Variants in ZNF253 observed in about 807,000 individuals in gnomAD.
ZNF253 encodes the protein DNA-binding protein.
Under a neutral mutation model 11.9 loss-of-function variants are expected in ZNF253, and 8 were observed. The ratio of observed to expected loss-of-function variants is 0.67; its 90% CI spans 0.40 to 1.22. ZNF253 has a LOEUF of 1.22. Ranked by LOEUF, ZNF253 falls within the 50% of genes most tolerant of loss-of-function variation. The pLI is 0.01. For synonymous variants in ZNF253, 194 were observed against 194.9 expected (o/e 1.00, Z 0.04); for missense variants, 485 against 586.9 (o/e 0.83, Z 1.79).
In ZNF253 at chr19:19,880,056, G is replaced by A. The variant is rs751103150; in HGVS notation, c.136G>A (p.Val46Ile). The A allele has an allele frequency of 1.2e-6, 2 of 1,602,732 alleles. No homozygotes were observed. The highest frequency in any genetic ancestry group is 1.7e-6 in the Non-Finnish European group (2 of 1,175,040). ...ATTTATTTTTAATAAAACAGGTATT[G>A]TTGTCTCTAAGCCAGACCTGGTTAC... Reference protein sequence around the residue: ...NYRNLVFLGIVVSKPDLVTCL... With the variant: ...NYRNLVFLGIIVSKPDLVTCL... Residue 46 changes from valine (V) to isoleucine (I), a missense_variant, in exon 3 of 4, where the codon GTT becomes ATT. Val to Ile is a conservative substitution (Grantham distance 29). This residue lies in a region of ZNF253 where 218 missense variants were observed against 213.1 expected (regional missense o/e 1.02). Transcript: ENST00000589717.
chr19:19,888,302 G>T (rs913298372), intron 3 of ZNF253, among the ~76,000 whole-genome samples: 2 of 152,160 alleles, frequency 1.3e-5, no homozygotes, highest in African/African-American at 2.4e-5. Context: ...GACCTCCAGT[G>T]ATTCACCCGC....
chr19:19,866,032 G>T, intron 1 of ZNF253, 33 bp downstream of exon 1: 5 of 1,614,182 alleles, frequency 3.1e-6, no homozygotes, highest in Non-Finnish European at 4.2e-6. Context: ...CGAGAGAGGG[G>T]AGAGGCTGTT....
chr19:19,871,283 G>GTGTGACA (rs1175618269), intron 1 of ZNF253: 1 of 152,568 alleles, frequency 6.6e-6, no homozygotes, highest in African/African-American at 2.4e-5. Context: ...TGCAGCTCAG[G>GTGTGACA]CCTCACTCTG....
chr19:19,888,744 A>G (rs1467754383), intron 3 of ZNF253, among the ~76,000 whole-genome samples: 2 of 152,156 alleles, frequency 1.3e-5, no homozygotes, highest in Non-Finnish European at 2.9e-5. Context: ...CTGTGCCATT[A>G]TGATAATAAG....
At chr19:19,883,250 G>T (rs1343022059) in intron 3 of ZNF253, among the ~76,000 whole-genome samples, 1 of 151,808 alleles carries the variant, frequency 6.6e-6, no homozygotes, top group Admixed American at 6.6e-5. Context: ...ATTTTTTTCT[G>T]TTTTTCTTTA....
At chr19:19,890,820 G>GC (rs2063225742) in intron 3 of ZNF253, among the ~76,000 whole-genome samples, 1 of 147,964 alleles carries the variant, frequency 6.8e-6, no homozygotes, top group African/African-American at 2.5e-5. Context: ...ATCATGCCTG[G>GC]CCAACAATTT....
intron 3 of ZNF253, among the ~76,000 whole-genome samples, chr19:19,880,599 G>T (rs2063173962): frequency 6.6e-6 from 1 of 151,978 alleles, no homozygotes. Flanking sequence ...CAGCTACTTG[G>T]GAGGCTGAGT....
intron 1 of ZNF253, among the ~76,000 whole-genome samples, chr19:19,869,362 ATAAAT>A (rs1189081616): frequency 6.6e-6 from 1 of 152,058 alleles, no homozygotes; most frequent in Non-Finnish European, 1.5e-5. Flanking sequence ...CTGCATTAAT[ATAAAT>A]TAAACATTTT....
At chr19:19,880,981 C>T (rs1255660974) in intron 3 of ZNF253, among the ~76,000 whole-genome samples, 1 of 151,968 alleles carries the variant, frequency 6.6e-6, no homozygotes, top group African/African-American at 2.4e-5. Context: ...TCCTTTTCCT[C>T]AAGACTGTTT....
chr19:19,874,219 T>C (rs2063145654), intron 1 of ZNF253, among the ~76,000 whole-genome samples: 1 of 151,910 alleles, frequency 6.6e-6, no homozygotes, highest in Non-Finnish European at 1.5e-5. Context: ...CACATATTTA[T>C]TTTCTAATAA....
intron 3 of ZNF253, 111 bp downstream of exon 3, chr19:19,880,257 T>C (rs2063172021): frequency 1.4e-6 from 1 of 712,450 alleles, no homozygotes; most frequent in Non-Finnish European, 2.2e-6. Context: ...CCAAAGGAAA[T>C]AGGTCCTGGG....
At chr19:19,884,119 T>C (rs541337188) in intron 3 of ZNF253, among the ~76,000 whole-genome samples, 51 of 152,156 alleles carry the variant, frequency 3.4e-4, no homozygotes, top group African/African-American at 1.1e-3. Context: ...ATAATTTTGT[T>C]ACTGGTTTAA....
intron 1 of ZNF253, among the ~76,000 whole-genome samples, chr19:19,878,162 C>T (rs1038484200): frequency 3.3e-5 from 5 of 152,282 alleles, no homozygotes; most frequent in African/African-American, 1.2e-4. Flanking sequence ...TCTTTTGCAT[C>T]TGAAAAATAT....
chr19:19,875,293 C>T (rs2063150303), intron 1 of ZNF253, among the ~76,000 whole-genome samples: 1 of 152,194 alleles, frequency 6.6e-6, no homozygotes, highest in Non-Finnish European at 1.5e-5. Context: ...TATTTAGCAA[C>T]TTGGTTTCTA....
In ZNF253 at chr19:19,893,149, T is replaced by G. The variant is rs1358497494; in HGVS notation, c.*402T>G. On this transcript the variant is annotated 3_prime_UTR_variant, in exon 4 of 4. Transcript: ENST00000589717. Reference sequence around the variant, plus strand: ...CCCAACACCACGCCTGGCTAATTTTTGGATTTTTAGTAGAGATGGGGTTTC... The same window carrying G: ...CCCAACACCACGCCTGGCTAATTTTGGGATTTTTAGTAGAGATGGGGTTTC... 5.8e-6 allele frequency: 1 copy of G among 172,274 alleles called. No individual in the cohort carries two copies. The highest frequency in any genetic ancestry group is 1.2e-5 in the Non-Finnish European group (1 of 80,374). The allele number at this position is 172,274 out of a possible 1,614,324, so 10.7% of individuals were successfully genotyped here.
At chr19:19,886,439 T>C (rs1374240979) in intron 3 of ZNF253, among the ~76,000 whole-genome samples, 1 of 152,206 alleles carries the variant, frequency 6.6e-6, no homozygotes. Context: ...TGGATATTCA[T>C]GTTGTCCAAA....
rs1265981158 is a variant in ZNF253, at chr19:19,885,229, TTC to T, written c.226+5085_226+5086del. ...TCTTTTTTTTGTATTCTTTCTTTCT[TTC>T]TTTCTTTCTTTCTTTCTTTCTTTCT... On this transcript the variant is annotated intron_variant, in intron 3 of 3. Transcript: ENST00000589717. 9.1e-5 allele frequency among the ~76,000 whole-genome samples: 4 copies of T among 43,964 alleles called. No homozygotes were observed. In the African/African-American group the frequency reaches 9.4e-4, roughly 10 times the overall value. 28.8% of individuals were successfully genotyped at this position (43,964 alleles called of 152,430 possible). A position where few individuals can be genotyped will look rare whatever the true frequency, so the allele number is the denominator to read the frequency against.
At chr19:19,887,381 A>G (rs2063210493) in intron 3 of ZNF253, among the ~76,000 whole-genome samples, 1 of 151,838 alleles carries the variant, frequency 6.6e-6, no homozygotes. Context: ...ACTGCAACCT[A>G]TGCTTCCCGG....
rs567807931 is a variant in ZNF253, at chr19:19,869,948, G to A, written c.3+3949G>A. Among the ~76,000 whole-genome samples the A allele has an allele frequency of 1.5e-4, 23 of 151,880 alleles. No individual in the cohort carries two copies. In the South Asian group the frequency reaches 3.5e-3, roughly 23 times the overall value. On this transcript the variant is annotated intron_variant, in intron 1 of 3. Transcript: ENST00000589717. The stretch of plus-strand genomic sequence containing the variant: ...AGCCTCCAAAAGTGCTGGTATTACC[G>A]GTGTGAGCCAAAAACAATATTTTCT...
Sources: allele counts gnomAD v4.1 joint callset (sites outside exome capture counted in the v4.1 genomes callset), GRCh38; gene constraint gnomAD v4.1.1; regional missense constraint gnomAD v4.1.1; transcripts MANE v1.5; gene names NCBI Gene and HGNC (gene_info 2026-07-23, HGNC 2026-07-21).